The following NTNG1 variants were observed in gnomAD, a reference collection of about 807,000 sequenced individuals.
The protein encoded by NTNG1 is netrin G1.
NTNG1 carries 16 observed loss-of-function variants against 54.0 expected under a neutral mutation model. That is an observed-to-expected ratio of 0.30 (90% CI 0.20 to 0.45). The LOEUF (loss-of-function observed/expected upper bound fraction) is 0.45. Ranked by LOEUF, NTNG1 falls within the 20% of genes least tolerant of loss-of-function variation. NTNG1 has a pLI of 1.00. For synonymous variants in NTNG1, 255 were observed against 263.1 expected, an observed-to-expected ratio of 0.97 and a Z score of 0.30; for missense variants, 530 against 678.7, an observed-to-expected ratio of 0.78 and a Z score of 2.43.
chr1:107,477,639 T>C (rs1448517672), intron 7 of NTNG1, among the ~76,000 whole-genome samples: 3 of 152,240 alleles, frequency 2.0e-5, no homozygotes, highest in African/African-American at 7.2e-5. Flanking sequence ...ACAATCTCTT[T>C]TTTATAATCT....
At chr1:107,206,695 A>G (rs1172861747) in intron 2 of NTNG1, among the ~76,000 whole-genome samples, 4 of 152,180 alleles carry the variant, frequency 2.6e-5, no homozygotes, top group Non-Finnish European at 5.9e-5. Context: ...TAAGTTTTAG[A>G]TTTTACAAAT....
chr1:107,178,200 T>C (rs1055955567), intron 2 of NTNG1, among the ~76,000 whole-genome samples: 2 of 152,222 alleles, frequency 1.3e-5, no homozygotes, highest in Non-Finnish European at 1.5e-5. Flanking sequence ...ACATCAAGTT[T>C]AGATCTATAA....
intron 3 of NTNG1, among the ~76,000 whole-genome samples, chr1:107,331,537 AAAT>A (rs1201791549): frequency 6.6e-6 from 1 of 152,126 alleles, no homozygotes; most frequent in Non-Finnish European, 1.5e-5. Context: ...GGGGAGACAA[AAAT>A]AAATAAATAA....
chr1:107,334,093 G>A (rs1479250025), intron 3 of NTNG1: 1 of 151,848 alleles, frequency 6.6e-6, no homozygotes, highest in East Asian at 1.9e-4. Context: ...TCTAATTACA[G>A]CAATGAGCTA....
chr1:107,338,524 T>G (rs1208607620), intron 3 of NTNG1, among the ~76,000 whole-genome samples: 1 of 151,908 alleles, frequency 6.6e-6, no homozygotes, highest in Non-Finnish European at 1.5e-5. Flanking sequence ...TGGATCTACA[T>G]GAACTTGGGA....
Position 107,419,472 on chromosome 1 carries a change from A to C in NTNG1, c.1088-11278A>C, listed in dbSNP as rs184479159. 1.8e-3 allele frequency among the ~76,000 whole-genome samples: 269 copies of C among 152,150 alleles called. 2 individuals are homozygous for C. Among genetic ancestry groups the C allele is most frequent in the African/African-American group, 6.1e-3 (254 of 41,556 alleles). On this transcript the variant is annotated intron_variant, in intron 5 of 7. Transcript: ENST00000370068. ...ACAGAAATGTGATTACGCAGGAAGAAAGAGAACTTTTAAAGGCTGAGCAAT... is the reference window on the plus strand; with the variant it reads ...ACAGAAATGTGATTACGCAGGAAGACAGAGAACTTTTAAAGGCTGAGCAAT...
At chr1:107,253,540 T>C (rs190925531) in intron 2 of NTNG1, among the ~76,000 whole-genome samples, 10 of 152,352 alleles carry the variant, frequency 6.6e-5, no homozygotes, top group Non-Finnish European at 1.3e-4. Flanking sequence ...GGTACTCTTT[T>C]GGCTCTATTT....
At chr1:107,283,798 G>T (rs920507390) in intron 2 of NTNG1, among the ~76,000 whole-genome samples, 2 of 152,176 alleles carry the variant, frequency 1.3e-5, no homozygotes, top group African/African-American at 4.8e-5. Context: ...AAGAACTGCT[G>T]CCTGATCATT....
intron 2 of NTNG1, among the ~76,000 whole-genome samples, chr1:107,323,118 GGAAA>G (rs1434330526): frequency 2.0e-5 from 3 of 148,076 alleles, no homozygotes; most frequent in Non-Finnish European, 4.5e-5. Flanking sequence ...AAAAAAAAAA[GGAAA>G]GAAAGAAAGA....
At chr1:107,163,242 G>A (rs1655539324) in intron 2 of NTNG1, among the ~76,000 whole-genome samples, 1 of 152,156 alleles carries the variant, frequency 6.6e-6, no homozygotes, top group African/African-American at 2.4e-5. Flanking sequence ...CTAACATGGG[G>A]AAGTGCATAC....
At chr1:107,146,942 T>C (rs1183986094) in intron 1 of NTNG1, among the ~76,000 whole-genome samples, 1 of 152,120 alleles carries the variant, frequency 6.6e-6, no homozygotes, top group Non-Finnish European at 1.5e-5. Context: ...GGGTCTATAA[T>C]AGAATTTTCT....
intron 3 of NTNG1, among the ~76,000 whole-genome samples, chr1:107,329,355 G>A (rs1668144009): frequency 6.6e-6 from 1 of 152,134 alleles, no homozygotes; most frequent in East Asian, 1.9e-4. Flanking sequence ...GCTTCTATGT[G>A]TAAACCTTAT....
intron 2 of NTNG1, among the ~76,000 whole-genome samples, chr1:107,188,932 A>G (rs1035191066): frequency 6.6e-6 from 1 of 152,138 alleles, no homozygotes; most frequent in African/African-American, 2.4e-5. Flanking sequence ...CTCAAATTGG[A>G]TAATGGCATA....
chr1:107,439,525 G>T (rs1490880534), intron 7 of NTNG1, among the ~76,000 whole-genome samples: 1 of 152,070 alleles, frequency 6.6e-6, no homozygotes, highest in Non-Finnish European at 1.5e-5. Flanking sequence ...ACTAAGTAAA[G>T]AAAAGAATGG....
chr1:107,220,385 G>C (rs1236740412), intron 2 of NTNG1, among the ~76,000 whole-genome samples: 1 of 152,244 alleles, frequency 6.6e-6, no homozygotes, highest in Non-Finnish European at 1.5e-5. Flanking sequence ...TGGAGCACAA[G>C]TTCATGATGT....
intron 7 of NTNG1, among the ~76,000 whole-genome samples, chr1:107,478,755 G>A (rs570060553): frequency 1.3e-5 from 2 of 152,338 alleles, no homozygotes; most frequent in South Asian, 4.1e-4. Context: ...TTTATTCCAT[G>A]TTGCCCCAAT....
At chr1:107,348,563 A>G (rs536431412) in intron 3 of NTNG1, among the ~76,000 whole-genome samples, 3 of 152,276 alleles carry the variant, frequency 2.0e-5, no homozygotes, top group South Asian at 4.1e-4. Flanking sequence ...CACCAGCCTC[A>G]GCTCTCAGAC....
intron 2 of NTNG1, among the ~76,000 whole-genome samples, chr1:107,235,246 G>GA (rs1234379566): frequency 6.6e-6 from 1 of 151,840 alleles, no homozygotes. Context: ...TTAAAACCAA[G>GA]AAAAACATGG....
intron 2 of NTNG1, among the ~76,000 whole-genome samples, chr1:107,249,948 GTAAGTCAATTCAT>G (rs1253866569): frequency 7.9e-5 from 12 of 152,216 alleles, no homozygotes; most frequent in African/African-American, 2.9e-4. Flanking sequence ...ATATTCATTT[GTAAGTCAATTCAT>G]TCCAGTGGTC....
Sources: gnomAD v4.1 joint callset for allele counts (sites outside exome capture counted in the v4.1 genomes callset) on GRCh38, gnomAD v4.1.1 for gene constraint, MANE v1.5 for transcripts, NCBI Gene and HGNC (gene_info 2026-07-23, HGNC 2026-07-21) for gene names.